The following TXNDC16 variants were observed in gnomAD, a reference collection of about 807,000 sequenced individuals.
The protein encoded by TXNDC16 is thioredoxin domain-containing protein 16.
A neutral mutation model predicts 85.6 loss-of-function variants in TXNDC16; 74 were observed. That is an observed-to-expected ratio of 0.86 (90% CI 0.72 to 1.05). TXNDC16 has a LOEUF of 1.05. TXNDC16 is among the 50% of genes least tolerant of loss of function. The pLI, the probability that TXNDC16 is intolerant of heterozygous loss-of-function variation, is 0.00. For missense variants in TXNDC16, 959 were observed against 947.0 expected, an observed-to-expected ratio of 1.01 and a Z score of -0.17; for synonymous variants, 335 against 326.5, an observed-to-expected ratio of 1.03 and a Z score of -0.28.
chr14:52,532,970 A>G (rs555511810), intron 6 of TXNDC16, among the ~76,000 whole-genome samples: 34 of 152,232 alleles, frequency 2.2e-4, no homozygotes, highest in Non-Finnish European at 4.6e-4. Context: ...ACTGTATTAC[A>G]TAAGTCATTT....
intron 1 of TXNDC16, among the ~76,000 whole-genome samples, chr14:52,548,305 C>T (rs1355884759): frequency 2.0e-5 from 3 of 152,140 alleles, no homozygotes; most frequent in African/African-American, 7.2e-5. Context: ...TTCCACAACC[C>T]TTCATATTTA....
At chr14:52,479,337 T>G (rs932444315) in intron 14 of TXNDC16, among the ~76,000 whole-genome samples, 2 of 151,914 alleles carry the variant, frequency 1.3e-5, no homozygotes, top group African/African-American at 4.8e-5. Context: ...GAGAAAGAAA[T>G]AAAGGCATCC....
chr14:52,521,263 C>A (rs1460861622), intron 6 of TXNDC16, among the ~76,000 whole-genome samples: 3 of 149,988 alleles, frequency 2.0e-5, no homozygotes, highest in Non-Finnish European at 4.4e-5. Context: ...CAGGCGTGCA[C>A]CCCCACGCCT....
chr14:52,538,852 T>C (rs1187561905), intron 4 of TXNDC16, among the ~76,000 whole-genome samples: 2 of 152,184 alleles, frequency 1.3e-5, no homozygotes, highest in Non-Finnish European at 2.9e-5. Context: ...AACGTTTGTT[T>C]AAAAGGCTAC....
At chr14:52,487,218 G>A (rs141690046) in intron 12 of TXNDC16, among the ~76,000 whole-genome samples, 176 of 152,304 alleles carry the variant, frequency 1.2e-3, no homozygotes, top group African/African-American at 4.2e-3. Context: ...CAAGCCCACT[G>A]AGAACTCCAG....
intron 6 of TXNDC16, among the ~76,000 whole-genome samples, chr14:52,530,523 A>G (rs1270664872): frequency 4.0e-5 from 1 of 25,012 alleles, no homozygotes; most frequent in Non-Finnish European, 7.2e-5. Flanking sequence ...ATTATATAAT[A>G]TTATATATAA....
At chr14:52,528,466 T>A (rs954238732) in intron 6 of TXNDC16, among the ~76,000 whole-genome samples, 2 of 152,102 alleles carry the variant, frequency 1.3e-5, no homozygotes, top group African/African-American at 4.8e-5. Context: ...TTAATATGTA[T>A]GTCATTGAAT....
intron 14 of TXNDC16, among the ~76,000 whole-genome samples, chr14:52,479,055 A>G (rs1008190876): frequency 1.3e-5 from 2 of 152,316 alleles, no homozygotes; most frequent in South Asian, 4.1e-4. Flanking sequence ...GGAATCAAAA[A>G]CAAAAATCAC....
chr14:52,449,928 T>C (rs974882259), intron 18 of TXNDC16, among the ~76,000 whole-genome samples: 1 of 151,938 alleles, frequency 6.6e-6, no homozygotes, highest in African/African-American at 2.4e-5. Flanking sequence ...ACCCTTGGGA[T>C]ACACTGAAAG....
At chr14:52,527,322 T>G (rs2037359618) in intron 6 of TXNDC16, among the ~76,000 whole-genome samples, 1 of 152,110 alleles carries the variant, frequency 6.6e-6, no homozygotes, top group African/African-American at 2.4e-5. Context: ...CAGAATTGAA[T>G]AAGAGGACAC....
At chr14:52,444,701 A>G in intron 18 of TXNDC16, among the ~76,000 whole-genome samples, 1 of 152,164 alleles carries the variant, frequency 6.6e-6, no homozygotes, top group Non-Finnish European at 1.5e-5. Flanking sequence ...ACCAATTTTT[A>G]TCCACTAAAT....
intron 18 of TXNDC16, 74 bp downstream of exon 18, chr14:52,455,250 T>A: frequency 6.4e-7 from 1 of 1,554,512 alleles, no homozygotes; most frequent in South Asian, 1.2e-5. Context: ...TGGAAAAATG[T>A]GTATGAACAT....
At position 52,511,715 on chromosome 14, in the gene TXNDC16, C is replaced by T. The variant is rs535285910; in HGVS notation, c.606-325G>A. Among the ~76,000 whole-genome samples, 30 of 152,106 alleles carry T rather than the reference C, an allele frequency of 2.0e-4. No individual in the cohort carries two copies. In the South Asian group the frequency reaches 4.6e-3, roughly 23 times the overall value. ...TCTTCCATAAAAAGCTGTCACCTTG[C>T]GGACAATGAGATTATCTTCAAATAC... On this transcript the variant is annotated intron_variant, in intron 8 of 20. Coordinates refer to ENST00000281741, the MANE Select transcript of TXNDC16 (RefSeq NM_020784.3).
intron 9 of TXNDC16, among the ~76,000 whole-genome samples, chr14:52,493,193 C>CTATATATATATATATATATATA (rs555994196): frequency 1.1e-4 from 14 of 126,178 alleles, no homozygotes; most frequent in African/African-American, 4.6e-4. Flanking sequence ...TGTCACTGTT[C>CTATATATATATATATATATATA]TATATATATA....
chr14:52,478,213 T>C (rs898817084), intron 14 of TXNDC16, among the ~76,000 whole-genome samples: 1 of 151,878 alleles, frequency 6.6e-6, no homozygotes, highest in African/African-American at 2.4e-5. Flanking sequence ...CCCTAACTGC[T>C]TACATCAAAG....
intron 6 of TXNDC16, among the ~76,000 whole-genome samples, chr14:52,535,956 G>A (rs530479541): frequency 5.9e-5 from 9 of 152,044 alleles, no homozygotes; most frequent in African/African-American, 1.7e-4. Context: ...CCTGGGAGGT[G>A]GAGGTTGCAG....
intron 2 of TXNDC16, 55 bp from the exon 3 acceptor site, chr14:52,543,685 T>C (rs1237139860): frequency 9.7e-6 from 10 of 1,030,322 alleles, no homozygotes; most frequent in South Asian, 9.4e-5. Context: ...GTTAAATGAA[T>C]GAATGAAGTA....
chr14:52,460,547 T>C (rs1364110752), intron 16 of TXNDC16, among the ~76,000 whole-genome samples: 3 of 152,206 alleles, frequency 2.0e-5, no homozygotes, highest in African/African-American at 7.2e-5. Context: ...GCAGGGGCCC[T>C]CTGTAACATT....
intron 14 of TXNDC16, among the ~76,000 whole-genome samples, chr14:52,474,808 T>C (rs886857686): frequency 1.3e-5 from 2 of 151,322 alleles, no homozygotes; most frequent in African/African-American, 4.9e-5. Flanking sequence ...AAAAGTTAGA[T>C]CAAATGTGGT....
Sources: gnomAD v4.1 joint callset for allele counts (sites outside exome capture counted in the v4.1 genomes callset) on GRCh38, gnomAD v4.1.1 for gene constraint, MANE v1.5 for transcripts, NCBI Gene and HGNC (gene_info 2026-07-23, HGNC 2026-07-21) for gene names.